The following DENND3 variants were observed in gnomAD, a reference collection of about 807,000 sequenced individuals.
DENND3 encodes the protein DENN domain containing 3.
In DENND3, 88 loss-of-function variants were observed where a neutral mutation model predicts 135.1. That is an observed-to-expected ratio of 0.65 (90% CI 0.55 to 0.78). The LOEUF (loss-of-function observed/expected upper bound fraction) is 0.78, where lower values mean the gene tolerates loss of function less well. Among genes scored for constraint, DENND3 ranks in the 30% least tolerant of loss-of-function variants. The pLI is 0.00. For synonymous variants in DENND3, 693 were observed against 712.3 expected (o/e 0.97, Z 0.43); for missense variants, 1,392 against 1,688.4 (o/e 0.82, Z 3.08).
At position 141,194,096 on chromosome 8, in the gene DENND3, G is replaced by A. The variant is rs767354051; in HGVS notation, c.3700G>A (p.Ala1234Thr). The A allele has an allele frequency of 7.0e-5, 113 of 1,613,860 alleles. No individual in the cohort carries two copies. Among genetic ancestry groups the A allele is most frequent in the Non-Finnish European group, 9.0e-5 (106 of 1,180,018 alleles). ...CAAGGGGAAAATCTACGTGATTGAC[G>A]CCGAGAGGAAGACCGTGGAGAAGGA... is the stretch of plus-strand genomic sequence containing the variant. ...TPKGKIYVID[A>T]ERKTVEKELV... Residue 1234 changes from alanine to threonine, a missense_variant, in exon 23 of 23, where the codon GCC becomes ACC. Transcript: ENST00000519811.
Position 141,168,191 on chromosome 8 carries a change from T to C in DENND3, c.1941T>C (p.Tyr647=). ...ATTTGTACCTCCGAGGGCTCGTTTA[T>C]CTGATGCAGGGACAGCTGCTGAACG... ...ARYLYLRGLV[Y]LMQGQLLNAL... The change falls in exon 13 of 23, where the codon TAT becomes TAC. Residue 647 remains tyrosine, a synonymous_variant. Coordinates refer to ENST00000519811, the MANE Select transcript of DENND3 (RefSeq NM_001352890.3). This position sits in a 1 kb window ranked among gnomAD's most constrained non-coding sequence, Gnocchi z 6.2. 1 of 1,614,172 alleles carries C rather than the reference T, an allele frequency of 6.2e-7. No homozygotes were observed. Among genetic ancestry groups the C allele is most frequent in the Non-Finnish European group, 8.5e-7 (1 of 1,180,036 alleles).
At chr8:141,191,440 G>C (rs1824741177) in intron 20 of DENND3, 1 of 152,236 alleles carries the variant, frequency 6.6e-6, no homozygotes, top group African/African-American at 2.4e-5. Context: ...CCCCAAGTGG[G>C]CACTGGGTTC....
intron 9 of DENND3, among the ~76,000 whole-genome samples, chr8:141,162,452 A>ATTTTC (rs1374018184): frequency 5.3e-5 from 8 of 152,200 alleles, no homozygotes; most frequent in African/African-American, 1.9e-4. Flanking sequence ...GGCAGAAAAT[A>ATTTTC]TGATTACATA....
At chr8:141,187,064 A>G (rs1022723945) in intron 18 of DENND3, among the ~76,000 whole-genome samples, 1 of 151,062 alleles carries the variant, frequency 6.6e-6, no homozygotes, top group Non-Finnish European at 1.5e-5. Context: ...TATAGTTTTC[A>G]AAATATTTTC....
rs1260951712 is a variant in DENND3 at position 141,138,947 on chromosome 8, G to A, written c.501+810G>A. On this transcript the variant is annotated intron_variant, in intron 3 of 22. Transcript: ENST00000519811. The surrounding 1 kb of genome is among the most constrained non-coding windows in gnomAD (Gnocchi z 4.8). ...CTTTTGTCTTTGGTGTGAGCGACTG[G>A]CGTTTAGACTTTACAACACATTACA... Among the ~76,000 whole-genome samples the A allele has an allele frequency of 1.3e-5, 2 of 152,202 alleles. No individual in the cohort carries two copies. The highest frequency in any genetic ancestry group is 2.9e-5 in the Non-Finnish European group (2 of 68,036).
chr8:141,136,156 C>A (rs898372344), intron 1 of DENND3, among the ~76,000 whole-genome samples: 10 of 152,186 alleles, frequency 6.6e-5, no homozygotes, highest in African/African-American at 1.9e-4. Context: ...CTTGGAGGGA[C>A]AAAGAAGCTT....
Position 141,192,437 on chromosome 8 carries a change from G to C in DENND3, c.3486G>C (p.Gln1162His). The stretch of plus-strand genomic sequence containing the variant: ...CCAGTACCTCCTTCCTGGCCTTCCA[G>C]CTCCTTCCTGAGGTATCCCAGCAGG... ...KDTSTSFLAF[Q>H]LLPEEEQLWA... The change falls in exon 21 of 23, where the codon CAG becomes CAC. Residue 1162 changes from glutamine (Q) to histidine (H), a missense_variant. By Grantham distance (24) the Gln-to-His change is conservative. Transcript: ENST00000519811. 1 of 1,614,218 alleles carries C rather than the reference G, an allele frequency of 6.2e-7. No individual in the cohort carries two copies. The highest frequency in any genetic ancestry group is 8.5e-7 in the Non-Finnish European group (1 of 1,180,032).
chr8:141,182,527 C>A lies in DENND3; in HGVS notation c.2944+1673C>A. On this transcript the variant is annotated intron_variant, in intron 17 of 22. Transcript: ENST00000519811. The surrounding 1 kb of genome is among the most constrained non-coding windows in gnomAD (Gnocchi z 5.9). The stretch of plus-strand genomic sequence containing the variant: ...CGGTTGGTTTCCCTGAAATGAAACT[C>A]ACTCTGAGCTTCCTGTTGTGACGGG... The A allele has an allele frequency of 1.0e-6, 1 of 979,196 alleles. No individual in the cohort carries two copies. The highest frequency in any genetic ancestry group is 4.7e-5 in the South Asian group (1 of 21,148). 60.7% of individuals were successfully genotyped at this position (979,196 alleles called of 1,614,324 possible).
rs1367008059 is a variant in DENND3, at chr8:141,195,078, G to C, written c.*845G>C. The C allele has an allele frequency of 6.6e-6, 1 of 152,220 alleles. No individual in the cohort carries two copies. Among genetic ancestry groups the C allele is most frequent in the Non-Finnish European group, 1.5e-5 (1 of 68,048 alleles). 9.4% of individuals were successfully genotyped at this position (152,220 alleles called of 1,614,324 possible). On this transcript the variant is annotated 3_prime_UTR_variant, in exon 23 of 23. Coordinates refer to ENST00000519811, the MANE Select transcript of DENND3 (RefSeq NM_001352890.3). ...GTGCACACGTGTGATCTCGTCTTCA[G>C]TGTGCCGCTCAGTTCCCTGAATCCG...
At position 141,130,097 on chromosome 8, in the gene DENND3, C is replaced by G. The variant is rs1815805858; in HGVS notation, c.102+1288C>G. 6.6e-6 allele frequency: 1 copy of G among 152,214 alleles called. No individual in the cohort carries two copies. Among genetic ancestry groups the G allele is most frequent in the African/African-American group, 2.4e-5 (1 of 41,438 alleles). The allele number at this position is 152,214 out of a possible 1,614,324, so 9.4% of individuals were successfully genotyped here. ...GACCTAGTTGCCGCTGTGGTCTCCTCAGCCGTTGAACGTCTTTCCTCTGGG... is the reference window on the plus strand; with the variant it reads ...GACCTAGTTGCCGCTGTGGTCTCCTGAGCCGTTGAACGTCTTTCCTCTGGG... On this transcript the variant is annotated intron_variant, in intron 1 of 22. Transcript: ENST00000519811. The surrounding 1 kb of genome is among the most constrained non-coding windows in gnomAD (Gnocchi z 4.2).
In DENND3 at chr8:141,194,194, C is replaced by T. The variant is rs113203930; in HGVS notation, c.3798C>T (p.Gly1266=). The T allele has an allele frequency of 7.3e-3, 11,729 of 1,613,288 alleles. 766 individuals carry two copies. The African/African-American group carries it at 0.14, about 19-fold the overall frequency. ...ACAGATACGTGCTGAGTGGGTCGGG[C>T]AGGGAGGAGGGGAAAGTCGCCATTT... The part of the protein sequence containing the change: ...AEDRYVLSGS[G]REEGKVAIWK... Residue 1266 remains glycine, a synonymous_variant, in exon 23 of 23, where the codon GGC becomes GGT. Coordinates refer to ENST00000519811, the MANE Select transcript of DENND3 (RefSeq NM_001352890.3).
rs1817241118 is a variant in DENND3, at chr8:141,139,882, C to A, written c.502-1321C>A. Among the ~76,000 whole-genome samples, 1 of 151,810 alleles carries A rather than the reference C, an allele frequency of 6.6e-6. No homozygotes were observed. The highest frequency in any genetic ancestry group is 1.5e-5 in the Non-Finnish European group (1 of 67,966). Reference sequence around the variant, plus strand: ...TCATCTCTCCTTCTTCACTATGTATCCGGATGACGCTATATCTATCGTTTT... The same window carrying A: ...TCATCTCTCCTTCTTCACTATGTATACGGATGACGCTATATCTATCGTTTT... On this transcript the variant is annotated intron_variant, in intron 3 of 22. Coordinates refer to ENST00000519811, the MANE Select transcript of DENND3 (RefSeq NM_001352890.3). This position sits in a 1 kb window ranked among gnomAD's most constrained non-coding sequence, Gnocchi z 4.2.
Position 141,189,120 on chromosome 8 carries a change from T to C in DENND3, c.3219T>C (p.Ile1073=). 4 of 1,614,184 alleles carry C rather than the reference T, an allele frequency of 2.5e-6. No individual in the cohort carries two copies. The highest frequency in any genetic ancestry group is 3.4e-6 in the Non-Finnish European group (4 of 1,180,020). Residue 1073 remains isoleucine (I), a synonymous_variant, in exon 19 of 23, where the codon ATT becomes ATC. Transcript: ENST00000519811. Reference sequence around the variant, plus strand: ...ACTGCTCCAGTGTCACGGATTTGATTGTGCAGGACGGACAGGAGGCACCCA... The same window carrying C: ...ACTGCTCCAGTGTCACGGATTTGATCGTGCAGGACGGACAGGAGGCACCCA... ...TAHCSSVTDL[I]VQDGQEAPSN...
In DENND3 at chr8:141,136,652, C is replaced by A. The variant is rs368448039; in HGVS notation, c.246C>A (p.Arg82=). The A allele has an allele frequency of 2.2e-5, 36 of 1,612,752 alleles. No homozygotes were observed. Among genetic ancestry groups the A allele is most frequent in the Middle Eastern group, 3.3e-4 (2 of 6,062 alleles). Residue 82 remains arginine, a synonymous_variant, in exon 2 of 23, where the codon CGC becomes CGA. Coordinates refer to ENST00000519811, the MANE Select transcript of DENND3 (RefSeq NM_001352890.3). ...NCGTLGKTRM[R]SLRKKREKPR... Reference sequence around the variant, plus strand: ...GCACTCTCGGTAAAACCCGGATGCGCTCCTTGAGAAAGAAGAGAGAGAAGC... The same window carrying A: ...GCACTCTCGGTAAAACCCGGATGCGATCCTTGAGAAAGAAGAGAGAGAAGC...
chr8:141,141,652 A>C lies in DENND3; in HGVS notation c.623+328A>C. 3.5e-6 allele frequency: 1 copy of C among 284,222 alleles called. No individual in the cohort carries two copies. The highest frequency in any genetic ancestry group is 4.6e-5 in the South Asian group (1 of 21,944). The allele number at this position is 284,222 out of a possible 1,614,324, so 17.6% of individuals were successfully genotyped here. A position where few individuals can be genotyped will look rare whatever the true frequency, so the allele number is the denominator to read the frequency against. On this transcript the variant is annotated intron_variant, in intron 4 of 22. Coordinates refer to ENST00000519811, the MANE Select transcript of DENND3 (RefSeq NM_001352890.3). The surrounding 1 kb of genome is among the most constrained non-coding windows in gnomAD (Gnocchi z 5.3). ...GATGTTCAGGATTTTCATTTTGTTTAGTTTTTCACAAAAAGGCATATATTA... is the reference window on the plus strand; with the variant it reads ...GATGTTCAGGATTTTCATTTTGTTTCGTTTTTCACAAAAAGGCATATATTA...
chr8:141,154,195 G>A lies in DENND3; in HGVS notation c.1075-1654G>A, dbSNP rs1341521643. Among the ~76,000 whole-genome samples, 3 of 152,256 alleles carry A rather than the reference G, an allele frequency of 2.0e-5. No homozygotes were observed. Among genetic ancestry groups the A allele is most frequent in the South Asian group, 2.1e-4 (1 of 4,832 alleles). ...CTCCAAAGGGCGGGGCCCAGAATGAGAGCCGGGGAGTCGGGGCCTTCCCCA... is the reference window on the plus strand; with the variant it reads ...CTCCAAAGGGCGGGGCCCAGAATGAAAGCCGGGGAGTCGGGGCCTTCCCCA... On this transcript the variant is annotated intron_variant, in intron 7 of 22. Coordinates refer to ENST00000519811, the MANE Select transcript of DENND3 (RefSeq NM_001352890.3). The surrounding 1 kb of genome is among the most constrained non-coding windows in gnomAD (Gnocchi z 4.4).
intron 1 of DENND3, among the ~76,000 whole-genome samples, chr8:141,135,619 A>G (rs945074671): frequency 6.6e-6 from 1 of 152,136 alleles, no homozygotes; most frequent in African/African-American, 2.4e-5. Flanking sequence ...CAGGGTGTCC[A>G]CCTTGGAAAG....
At chr8:141,181,093 G>A (rs1823038834) in intron 17 of DENND3, among the ~76,000 whole-genome samples, 1 of 152,184 alleles carries the variant, frequency 6.6e-6, no homozygotes, top group African/African-American at 2.4e-5. Flanking sequence ...GATGGAATTG[G>A]GGCCAGCACT....
Position 141,154,090 on chromosome 8 carries a change from AGCGTTTTGTGTATTT to A in DENND3, c.1075-1756_1075-1742del, listed in dbSNP as rs1303374275. 6.6e-6 allele frequency among the ~76,000 whole-genome samples: 1 copy of A among 152,142 alleles called. No individual in the cohort carries two copies. Among genetic ancestry groups the A allele is most frequent in the African/African-American group, 2.4e-5 (1 of 41,436 alleles). The stretch of plus-strand genomic sequence containing the variant: ...GACCGGCTGTGTGCCTCGCTGCTTT[AGCGTTTTGTGTATTT>A]GCCTTGTAAGGTTTTGAGGCCAAGA... On this transcript the variant is annotated intron_variant, in intron 7 of 22. Transcript: ENST00000519811. The surrounding 1 kb of genome is among the most constrained non-coding windows in gnomAD (Gnocchi z 4.4).
Sources: allele counts gnomAD v4.1 joint callset (sites outside exome capture counted in the v4.1 genomes callset), GRCh38; gene constraint gnomAD v4.1.1; non-coding constraint Gnocchi (gnomAD v3.1); transcripts MANE v1.5; gene names NCBI Gene and HGNC (gene_info 2026-07-23, HGNC 2026-07-21).